The following RAB1A variants were observed in gnomAD, a reference collection of about 807,000 sequenced individuals.
RAB1A encodes ras-related protein Rab-1A.
In RAB1A, 2 loss-of-function variants were observed where a neutral mutation model predicts 26.0. The ratio of observed to expected loss-of-function variants is 0.08; its 90% CI spans 0.03 to 0.24. The LOEUF (loss-of-function observed/expected upper bound fraction) is 0.24, where lower values mean the gene tolerates loss of function less well. Among genes scored for constraint, RAB1A ranks in the 10% least tolerant of loss-of-function variants. RAB1A has a pLI of 1.00. For missense variants in RAB1A, 100 were observed against 247.0 expected, an observed-to-expected ratio of 0.40 and a Z score of 3.99; for synonymous variants, 84 against 84.9, an observed-to-expected ratio of 0.99 and a Z score of 0.06.
intron 2 of RAB1A, 30 bp from the exon 3 acceptor site, chr2:65,098,096 G>T: frequency 7.1e-6 from 9 of 1,260,572 alleles, no homozygotes; most frequent in South Asian, 2.9e-5. Context: ...ACAATTAAAT[G>T]TATTGTTCAG....
At chr2:65,098,885 G>T (rs2103836866) in intron 2 of RAB1A, among the ~76,000 whole-genome samples, 1 of 123,252 alleles carries the variant, frequency 8.1e-6, no homozygotes, top group South Asian at 2.6e-4. Context: ...GCCCATGCTG[G>T]AGTGCAGTGT....
At chr2:65,106,989 G>A (rs931120537) in intron 1 of RAB1A, among the ~76,000 whole-genome samples, 7 of 152,122 alleles carry the variant, frequency 4.6e-5, no homozygotes, top group African/African-American at 1.7e-4. Context: ...CTGATCTCAA[G>A]TGATCCACCC....
chr2:65,089,128 CAG>C, intron 4 of RAB1A, 58 bp from the exon 5 acceptor site: 1 of 1,466,698 alleles, frequency 6.8e-7, no homozygotes, highest in Non-Finnish European at 9.3e-7. Context: ...CTGGAATAAA[CAG>C]AAACATCGTT....
chr2:65,092,955 C>G (rs1199194083), intron 3 of RAB1A, among the ~76,000 whole-genome samples: 1 of 152,204 alleles, frequency 6.6e-6, no homozygotes, highest in Non-Finnish European at 1.5e-5. Flanking sequence ...CACTCTCTCG[C>G]CTCCTGCCAT....
chr2:65,108,160 G>A (rs763001983), intron 1 of RAB1A, among the ~76,000 whole-genome samples: 2 of 151,262 alleles, frequency 1.3e-5, no homozygotes, highest in African/African-American at 2.4e-5. Context: ...TCAGGAGTTC[G>A]AGACCAGCCA....
At chr2:65,088,770 A>G in intron 5 of RAB1A, 80 bp from the exon 6 acceptor site, 1 of 1,346,690 alleles carries the variant, frequency 7.4e-7, no homozygotes, top group Non-Finnish European at 1.0e-6. Flanking sequence ...TCCATAATGG[A>G]GCGTGAGGAA....
chr2:65,113,090 T>C (rs1015829180), intron 1 of RAB1A, among the ~76,000 whole-genome samples: 3 of 152,076 alleles, frequency 2.0e-5, no homozygotes, highest in Non-Finnish European at 2.9e-5. Context: ...GATATGTGGA[T>C]TTTTGCTAAC....
Position 65,104,785 on chromosome 2 carries a change from A to G in RAB1A, c.45T>C (p.Leu15=), listed in dbSNP as rs773768631. Residue 15 remains leucine (L), a synonymous_variant, in exon 2 of 6, where the codon CTT becomes CTC. Coordinates refer to ENST00000409784, the MANE Select transcript of RAB1A (RefSeq NM_004161.5). ...NPEYDYLFKL[L]LIGDSGVGKS... ...TTCCAACCCCTGAGTCGCCAATCAGAAGTAACTTGAATAAATAATCACTGC... is the reference window on the plus strand; with the variant it reads ...TTCCAACCCCTGAGTCGCCAATCAGGAGTAACTTGAATAAATAATCACTGC... 3.1e-6 allele frequency: 5 copies of G among 1,608,868 alleles called. No individual in the cohort carries two copies. The highest frequency in any genetic ancestry group is 3.4e-6 in the Non-Finnish European group (4 of 1,176,344).
intron 4 of RAB1A, among the ~76,000 whole-genome samples, 175 bp from the exon 5 acceptor site, chr2:65,089,245 C>T (rs140836945): frequency 6.6e-6 from 1 of 152,124 alleles, no homozygotes; most frequent in Non-Finnish European, 1.5e-5. Context: ...CAGGGTCTTG[C>T]TCTGTCACCT....
At chr2:65,116,363 T>C (rs900678670) in intron 1 of RAB1A, among the ~76,000 whole-genome samples, 5 of 152,094 alleles carry the variant, frequency 3.3e-5, no homozygotes, top group Non-Finnish European at 7.4e-5. Flanking sequence ...AAAGCCTGCA[T>C]GGGTTTGGAC....
intron 2 of RAB1A, among the ~76,000 whole-genome samples, chr2:65,104,311 C>G (rs1045164173): frequency 6.6e-6 from 1 of 152,078 alleles, no homozygotes; most frequent in Non-Finnish European, 1.5e-5. Flanking sequence ...ATCCTTCCAC[C>G]CTCAGCACCC....
At chr2:65,112,220 A>G (rs573394081) in intron 1 of RAB1A, among the ~76,000 whole-genome samples, 50 of 148,062 alleles carry the variant, frequency 3.4e-4, no homozygotes, top group Non-Finnish European at 5.8e-4. Context: ...ATCTCAGCTC[A>G]CTGCAACCTC....
chr2:65,127,172 G>T (rs1440836002), intron 1 of RAB1A, among the ~76,000 whole-genome samples: 1 of 142,666 alleles, frequency 7.0e-6, no homozygotes, highest in Non-Finnish European at 1.5e-5. Context: ...TCAAAAGAAA[G>T]GATGATTTGA....
At chr2:65,094,325 CTG>C (rs1209836485) in intron 3 of RAB1A, among the ~76,000 whole-genome samples, 2 of 152,336 alleles carry the variant, frequency 1.3e-5, no homozygotes, top group Non-Finnish European at 2.9e-5. Flanking sequence ...TGGCTCACGA[CTG>C]TAATCCCAGC....
intron 1 of RAB1A, among the ~76,000 whole-genome samples, chr2:65,120,887 A>T (rs960414927): frequency 3.3e-5 from 5 of 152,158 alleles, no homozygotes; most frequent in Admixed American, 6.6e-5. Flanking sequence ...GGAAAACATG[A>T]ATTACATAAT....
At chr2:65,114,792 C>A (rs548679197) in intron 1 of RAB1A, among the ~76,000 whole-genome samples, 19 of 152,008 alleles carry the variant, frequency 1.2e-4, no homozygotes, top group Admixed American at 1.2e-3. Flanking sequence ...TTGCAGTGAG[C>A]CGAGATTGCG....
At chr2:65,095,344 C>A (rs74896153) in intron 3 of RAB1A, among the ~76,000 whole-genome samples, 1 of 151,550 alleles carries the variant, frequency 6.6e-6, no homozygotes, top group African/African-American at 2.4e-5. Flanking sequence ...ACAGCCACTG[C>A]GCCCAGCCTT....
intron 3 of RAB1A, among the ~76,000 whole-genome samples, chr2:65,093,172 T>C (rs1482323328): frequency 6.6e-6 from 1 of 152,190 alleles, no homozygotes; most frequent in African/African-American, 2.4e-5. Flanking sequence ...CTCTGAAAAC[T>C]TTCCTGACAC....
intron 4 of RAB1A, 31 bp downstream of exon 4, chr2:65,090,952 C>CACTGTAACACAATCTCCTCTTGGAACTT (rs1161643762): frequency 9.0e-6 from 13 of 1,448,878 alleles, no homozygotes; most frequent in Non-Finnish European, 1.2e-5. Context: ...CCTACTTGGT[C>CACTGTAACACAATCTCCTCTTGGAACTT]ACTGTAACAC....
Sources: allele counts gnomAD v4.1 joint callset (sites outside exome capture counted in the v4.1 genomes callset), GRCh38; gene constraint gnomAD v4.1.1; transcripts MANE v1.5; gene names NCBI Gene and HGNC (gene_info 2026-07-23, HGNC 2026-07-21).